The following PDE10A variants were observed in gnomAD, a reference collection of about 807,000 sequenced individuals.
PDE10A encodes the protein cAMP and cAMP-inhibited cGMP 3',5'-cyclic phosphodiesterase 10A.
PDE10A carries 39 observed loss-of-function variants against 97.7 expected under a neutral mutation model. The observed-to-expected ratio is 0.40, with a 90% confidence interval of 0.31 to 0.52. The LOEUF is 0.52. Ranked by LOEUF, PDE10A falls within the 20% of genes least tolerant of loss-of-function variation. The pLI is 0.56. For synonymous variants in PDE10A, 371 were observed against 376.8 expected (o/e 0.98, Z 0.18); for missense variants, 731 against 1,047.8 (o/e 0.70, Z 4.17).
chr6:165,723,569 G>A (rs1792217314), intron 1 of PDE10A, among the ~76,000 whole-genome samples: 1 of 152,184 alleles, frequency 6.6e-6, no homozygotes. Flanking sequence ...CTTCTGCTGG[G>A]CCGTGTGAAT....
intron 19 of PDE10A, among the ~76,000 whole-genome samples, chr6:165,340,529 T>C (rs1425249365): frequency 6.6e-6 from 1 of 152,234 alleles, no homozygotes; most frequent in Non-Finnish European, 1.5e-5. Context: ...TGCTTCTCTA[T>C]CCAAAGTGAG....
intron 1 of PDE10A, among the ~76,000 whole-genome samples, chr6:165,983,698 C>G (rs1785089414): frequency 6.6e-6 from 1 of 152,204 alleles, no homozygotes; most frequent in Non-Finnish European, 1.5e-5. Context: ...GATGTTCCAT[C>G]CAGGTCAGCA....
At chr6:165,902,307 G>C (rs1477761359) in intron 1 of PDE10A, among the ~76,000 whole-genome samples, 1 of 152,216 alleles carries the variant, frequency 6.6e-6, no homozygotes, top group Middle Eastern at 3.2e-3. Flanking sequence ...TCCTCGGCTG[G>C]ATTTGTGTGA....
At chr6:165,490,284 C>T (rs1319756637) in intron 2 of PDE10A, among the ~76,000 whole-genome samples, 9 of 152,218 alleles carry the variant, frequency 5.9e-5, no homozygotes. Flanking sequence ...GATTGTGATT[C>T]TATCTTTATC....
intron 1 of PDE10A, among the ~76,000 whole-genome samples, chr6:165,860,402 A>C (rs1780869551): frequency 1.3e-5 from 2 of 152,216 alleles, no homozygotes; most frequent in Admixed American, 1.3e-4. Flanking sequence ...CGGTGAGCCG[A>C]GATCATGCCA....
chr6:165,411,749 T>C (rs1235039831), intron 13 of PDE10A, among the ~76,000 whole-genome samples: 9 of 152,200 alleles, frequency 5.9e-5, no homozygotes, highest in Non-Finnish European at 1.3e-4. Context: ...CATACTCTCA[T>C]ATAGATTGGA....
chr6:165,894,635 G>A (rs1281861759), intron 1 of PDE10A: 1 of 426,784 alleles, frequency 2.3e-6, no homozygotes, highest in South Asian at 1.6e-5. Context: ...AAGATAAGCA[G>A]TCTTCCCACC....
intron 1 of PDE10A, among the ~76,000 whole-genome samples, chr6:165,599,115 A>C (rs1220396030): frequency 1.3e-5 from 2 of 152,226 alleles, no homozygotes; most frequent in African/African-American, 4.8e-5. Context: ...GACGGTTGTG[A>C]AGGAATTTTA....
intron 18 of PDE10A, among the ~76,000 whole-genome samples, chr6:165,344,120 C>G: frequency 6.6e-6 from 1 of 152,114 alleles, no homozygotes; most frequent in East Asian, 1.9e-4. Context: ...TGACTTTTCC[C>G]TTTTCAGCTG....
chr6:165,872,061 G>C (rs1238343647), intron 1 of PDE10A, among the ~76,000 whole-genome samples: 1 of 152,098 alleles, frequency 6.6e-6, no homozygotes, highest in South Asian at 2.1e-4. Context: ...GTGTTCAATT[G>C]GATGCATTTT....
intron 2 of PDE10A, among the ~76,000 whole-genome samples, chr6:165,489,850 A>G (rs1780127303): frequency 6.6e-6 from 1 of 152,212 alleles, no homozygotes; most frequent in South Asian, 2.1e-4. Context: ...AGAACTCCAG[A>G]GCTCAAAGAG....
intron 1 of PDE10A, among the ~76,000 whole-genome samples, chr6:165,573,305 G>A (rs1258461503): frequency 2.0e-5 from 3 of 149,494 alleles, no homozygotes; most frequent in African/African-American, 7.4e-5. Flanking sequence ...TCAGTAGAGA[G>A]TGCGTTTGGC....
chr6:165,779,688 T>C (rs1466034773), intron 1 of PDE10A, among the ~76,000 whole-genome samples: 1 of 152,232 alleles, frequency 6.6e-6, no homozygotes, highest in African/African-American at 2.4e-5. Flanking sequence ...ATTCTTGATC[T>C]CAGGCAAACT....
chr6:165,706,110 G>T (rs945633969), intron 1 of PDE10A, among the ~76,000 whole-genome samples: 1 of 152,222 alleles, frequency 6.6e-6, no homozygotes, highest in African/African-American at 2.4e-5. Context: ...ACATGGGGAA[G>T]CCAGTTCCAG....
chr6:165,347,459 A>G (rs973056010), intron 18 of PDE10A, among the ~76,000 whole-genome samples: 3 of 152,192 alleles, frequency 2.0e-5, no homozygotes, highest in Non-Finnish European at 4.4e-5. Context: ...CATTTTTTCC[A>G]TCACAGAAAT....
chr6:165,549,363 C>T (rs1449300102), intron 1 of PDE10A, among the ~76,000 whole-genome samples: 3 of 152,136 alleles, frequency 2.0e-5, no homozygotes, highest in Non-Finnish European at 2.9e-5. Flanking sequence ...CTCTCTGTGT[C>T]ACCCAGGCTG....
Position 165,711,179 on chromosome 6 carries a change from G to A in PDE10A, c.-614-167611C>T, listed in dbSNP as rs926724291. 3.9e-5 allele frequency among the ~76,000 whole-genome samples: 6 copies of A among 152,222 alleles called. No homozygotes were observed. The highest frequency in any genetic ancestry group is 1.4e-4 in the African/African-American group (6 of 41,442). ...CTGGAGAGAACAACAGGGATATGAC[G>A]TTAGCAGTAAGTTCTACTAAATACA... is the stretch of plus-strand genomic sequence containing the variant. On this transcript the variant is annotated intron_variant, in intron 1 of 19. Transcript: ENST00000366882. The surrounding 1 kb of genome is among the most constrained non-coding windows in gnomAD (Gnocchi z 4.5).
intron 1 of PDE10A, among the ~76,000 whole-genome samples, chr6:165,629,695 G>A (rs543813245): frequency 7.6e-4 from 115 of 151,796 alleles, no homozygotes; most frequent in African/African-American, 2.7e-3. Flanking sequence ...CACCACACCC[G>A]GCTAATTTTT....
At chr6:165,476,826 A>C (rs1250776467) in intron 3 of PDE10A, among the ~76,000 whole-genome samples, 1 of 152,162 alleles carries the variant, frequency 6.6e-6, no homozygotes, top group Admixed American at 6.5e-5. Context: ...CAAGAGTGTG[A>C]TGAAAAATAC....
Sources: allele counts gnomAD v4.1 joint callset (sites outside exome capture counted in the v4.1 genomes callset), GRCh38; gene constraint gnomAD v4.1.1; non-coding constraint Gnocchi (gnomAD v3.1); transcripts MANE v1.5; gene names NCBI Gene and HGNC (gene_info 2026-07-23, HGNC 2026-07-21).